PML: variants seen among roughly 807,000 people sequenced by gnomAD.
The protein encoded by PML is PML nuclear body scaffold.
PML carries 28 observed loss-of-function variants against 65.2 expected under a neutral mutation model. The observed-to-expected ratio is 0.43, with a 90% CI of 0.32 to 0.59. The LOEUF (loss-of-function observed/expected upper bound fraction) is 0.59. Ranked by LOEUF, PML falls within the 20% of genes least tolerant of loss-of-function variation. PML has a pLI of 0.08. For missense variants in PML, 1,021 were observed against 1,203.4 expected, an observed-to-expected ratio of 0.85 and a Z score of 2.24; for synonymous variants, 500 against 508.8, an observed-to-expected ratio of 0.98 and a Z score of 0.23.
At chr15:74,001,944 C>T (rs2069780915) in intron 2 of PML, among the ~76,000 whole-genome samples, 1 of 151,046 alleles carries the variant, frequency 6.6e-6, no homozygotes, top group Non-Finnish European at 1.5e-5. Flanking sequence ...TTTGAGCCTG[C>T]AGTGAGCTGT....
chr15:74,028,452 A>T (rs1487769826), intron 4 of PML: 1 of 152,218 alleles, frequency 6.6e-6, no homozygotes, highest in Non-Finnish European at 1.5e-5. Context: ...CAAAAAAAAA[A>T]AAAAAATGTT....
chr15:73,995,736 CTTTGT>C lies in PML; in HGVS notation c.129+799_129+803del, dbSNP rs895397882. ...TTTTTGTTGTTGTTTGTTTGTTTTG[CTTTGT>C]TTTTTGTTTGTTTGTTTATCTGTTT... On this transcript the variant is annotated intron_variant, in intron 1 of 8. Transcript: ENST00000268058. 1.6e-3 allele frequency among the ~76,000 whole-genome samples: 244 copies of C among 151,544 alleles called. 2 individuals are homozygous for C. Among genetic ancestry groups the C allele is most frequent in the Non-Finnish European group, 2.6e-4 (18 of 67,934 alleles).
Position 74,006,990 on chromosome 15 carries a change from C to T in PML, c.602+8514C>T, listed in dbSNP as rs879766190. On this transcript the variant is annotated intron_variant, in intron 2 of 8. Transcript: ENST00000268058. The stretch of plus-strand genomic sequence containing the variant: ...CCACCCTCATGACCCAAACACCTCC[C>T]ACTAGACCCCACCTTCAACATTGGA... Among the ~76,000 whole-genome samples, 10 of 152,310 alleles carry T rather than the reference C, an allele frequency of 6.6e-5. No individual in the cohort carries two copies. In the South Asian group the frequency reaches 1.2e-3, roughly 19 times the overall value.
At chr15:74,033,616 G>A (rs1167100741) in intron 6 of PML, 3 of 716,046 alleles carry the variant, frequency 4.2e-6, no homozygotes, top group Admixed American at 2.0e-5. Flanking sequence ...TGATTGAGGT[G>A]TGGGGAGCCT....
intron 2 of PML, among the ~76,000 whole-genome samples, chr15:74,018,916 T>C (rs1336348239): frequency 1.3e-5 from 2 of 152,222 alleles, no homozygotes; most frequent in African/African-American, 2.4e-5. Flanking sequence ...GTTTCCCACT[T>C]CACCTCTGCC....
chr15:74,042,377 C>G lies in PML; in HGVS notation c.1711-612C>G. The G allele has an allele frequency of 6.1e-6, 6 of 985,452 alleles. No individual in the cohort carries two copies. The highest frequency in any genetic ancestry group is 7.2e-6 in the Non-Finnish European group (6 of 829,918). The allele number at this position is 985,452 out of a possible 1,614,324, so 61.0% of individuals were successfully genotyped here. ...CTTCCCCTCGCCTTTGTGTAGGACA[C>G]TGGCACCTCGGCTGACTTCGGGGAC... On this transcript the variant is annotated intron_variant, in intron 7 of 8. Transcript: ENST00000268058. The surrounding 1 kb of genome is among the most constrained non-coding windows in gnomAD (Gnocchi z 5.3).
intron 2 of PML, among the ~76,000 whole-genome samples, chr15:74,003,581 C>T (rs1361425826): frequency 6.6e-6 from 1 of 152,170 alleles, no homozygotes; most frequent in African/African-American, 2.4e-5. Context: ...CTTCTTCCCT[C>T]TTCCTTCTCA....
Position 74,043,382 on chromosome 15 carries a change from G to C in PML, c.1861+243G>C. 1 of 1,435,182 alleles carries C rather than the reference G, an allele frequency of 7.0e-7. No homozygotes were observed. 88.9% of individuals were successfully genotyped at this position (1,435,182 alleles called of 1,614,324 possible). A position where few individuals can be genotyped will look rare whatever the true frequency, so the allele number is the denominator to read the frequency against. On this transcript the variant is annotated intron_variant, in intron 8 of 8. Transcript: ENST00000268058. This position sits in a 1 kb window ranked among gnomAD's most constrained non-coding sequence, Gnocchi z 4.3. ...GAGAGAGGCAGATGCCTCCACAAGT[G>C]CACCTCTGACCAGTTCTTCTCTCAG...
chr15:74,016,792 C>CTTTTTTTTTTTTTTTTTTTT lies in PML; in HGVS notation c.603-6033_603-6014dup, dbSNP rs535665071. 5.8e-4 allele frequency among the ~76,000 whole-genome samples: 45 copies of CTTTTTTTTTTTTTTTTTTTT among 77,646 alleles called. 9 individuals carry two copies. Among genetic ancestry groups the CTTTTTTTTTTTTTTTTTTTT allele is most frequent in the African/African-American group, 8.6e-4 (18 of 20,900 alleles). 50.9% of individuals were successfully genotyped at this position (77,646 alleles called of 152,430 possible). A position where few individuals can be genotyped will look rare whatever the true frequency, so the allele number is the denominator to read the frequency against. On this transcript the variant is annotated intron_variant, in intron 2 of 8. Coordinates refer to ENST00000268058, the MANE Select transcript of PML (RefSeq NM_033238.3). Reference sequence around the variant, plus strand: ...TTTTGAATTTTTTAGGCAGTGGCATCTTTTTTTTTTTTTTTTTTTTTTGAG... The same window carrying CTTTTTTTTTTTTTTTTTTTT: ...TTTTGAATTTTTTAGGCAGTGGCATCTTTTTTTTTTTTTTTTTTTTTTTTTTTTTTTTTTTTTTTTTTGAG...
rs1337848870 is a variant in PML at position 74,023,177 on chromosome 15, C to A, written c.952C>A (p.Arg318Ser). Residue 318 changes from arginine to serine, a missense_variant, in exon 3 of 9, where the codon CGC becomes AGC. Transcript: ENST00000268058. ...CGAGGAGATGGCCAGTCGGCTGGGC[C>A]GCCTGGATGCTGTGCTGCAGCGCAT... ...DYEEMASRLG[R>S]LDAVLQRIRT... 1.9e-6 allele frequency: 3 copies of A among 1,606,190 alleles called. No individual in the cohort carries two copies. The African/African-American group carries it at 4.0e-5, about 21-fold the overall frequency.
In PML at chr15:73,998,225, GGTGTAC is replaced by G. The variant is rs2069595885; in HGVS notation, c.352_357del (p.Val118_Tyr119del). On this transcript the variant is annotated inframe_deletion, in exon 2 of 9. Transcript: ENST00000268058. ...TCGAGAGTCTGCAGCGGCGCCTGTC[GGTGTAC>G]CGGCAGATTGTGGATGCGCAGGCTG... 6.2e-7 allele frequency: 1 copy of G among 1,614,076 alleles called. No individual in the cohort carries two copies. The highest frequency in any genetic ancestry group is 8.5e-7 in the Non-Finnish European group (1 of 1,180,032).
intron 2 of PML, among the ~76,000 whole-genome samples, chr15:74,005,245 G>A (rs1265511523): frequency 4.6e-5 from 7 of 150,752 alleles, no homozygotes; most frequent in Non-Finnish European, 8.9e-5. Context: ...TAGAGACGGC[G>A]TTTCACCATA....
At chr15:74,032,546 C>G (rs1365978041) in intron 4 of PML, 26 bp from the exon 5 acceptor site, 1 of 1,613,758 alleles carries the variant, frequency 6.2e-7, no homozygotes, top group Admixed American at 1.7e-5. Context: ...CTAGTCATTT[C>G]TGACTCAATT....
intron 7 of PML, chr15:74,041,714 TC>T (rs2071701492): frequency 6.6e-6 from 1 of 152,280 alleles, no homozygotes; most frequent in Admixed American, 6.5e-5. Context: ...GCTTTTTCTC[TC>T]AGTTGAAGCT....
chr15:74,013,792 G>GATTTAAATAAAAGCT (rs1420829658), intron 2 of PML, among the ~76,000 whole-genome samples: 3 of 152,098 alleles, frequency 2.0e-5, no homozygotes, highest in African/African-American at 7.2e-5. Context: ...AAATAGATCA[G>GATTTAAATAAAAGCT]ATTTAAATAA....
rs535665071 is a variant in PML, at chr15:74,016,792, C to CTTTTTTTTTTTTTTTTTTTTTTTTTT, written c.603-6014_603-6013insTTTTTTTTTTTTTTTTTTTTTTTTTT. Among the ~76,000 whole-genome samples the CTTTTTTTTTTTTTTTTTTTTTTTTTT allele has an allele frequency of 2.6e-5, 2 of 77,646 alleles. 1 individual carries two copies. Among genetic ancestry groups the CTTTTTTTTTTTTTTTTTTTTTTTTTT allele is most frequent in the African/African-American group, 9.6e-5 (2 of 20,882 alleles). 50.9% of individuals were successfully genotyped at this position (77,646 alleles called of 152,430 possible). ...TTTTGAATTTTTTAGGCAGTGGCAT[C>CTTTTTTTTTTTTTTTTTTTTTTTTTT]TTTTTTTTTTTTTTTTTTTTTTGAG... On this transcript the variant is annotated intron_variant, in intron 2 of 8. Coordinates refer to ENST00000268058, the MANE Select transcript of PML (RefSeq NM_033238.3).
In PML at chr15:74,046,303, G is replaced by A. The variant is rs2071770504; in HGVS notation, c.*1295G>A. ...GAACAGAGGCAGGTCAGGGTTGTCC[G>A]CTCTGATTAGCAGAACGACAGCCCC... On this transcript the variant is annotated 3_prime_UTR_variant, in exon 9 of 9. Transcript: ENST00000268058. The A allele has an allele frequency of 3.0e-5, 7 of 233,048 alleles. No individual in the cohort carries two copies. Among genetic ancestry groups the A allele is most frequent in the South Asian group, 1.8e-4 (1 of 5,528 alleles). 14.4% of individuals were successfully genotyped at this position (233,048 alleles called of 1,614,324 possible). A position where few individuals can be genotyped will look rare whatever the true frequency, so the allele number is the denominator to read the frequency against.
chr15:74,044,644 GC>G lies in PML; in HGVS notation c.2290del (p.Gln764SerfsTer40). On this transcript the variant is annotated frameshift_variant, in exon 9 of 9. Coordinates refer to ENST00000268058, the MANE Select transcript of PML (RefSeq NM_033238.3). LOFTEE classifies it low-confidence loss of function (END_TRUNC). ...TGCCGCCTCCTCGAGGTCTCCCCGGGCCCCCAGCTGGCCCAGCATGTCTACC... is the reference window on the plus strand; with the variant it reads ...TGCCGCCTCCTCGAGGTCTCCCCGGGCCCCAGCTGGCCCAGCATGTCTACC... ...DLCRLLEVSP[G>X]PQLAQHVYPF... is the part of the protein sequence containing the mutation. 6.2e-7 allele frequency: 1 copy of G among 1,605,492 alleles called. No individual in the cohort carries two copies.
chr15:74,013,658 T>C (rs1019542485), intron 2 of PML, among the ~76,000 whole-genome samples: 10 of 152,244 alleles, frequency 6.6e-5, no homozygotes, highest in African/African-American at 2.2e-4. Context: ...TCACCATATG[T>C]TACTCAACTC....
Sources: gnomAD v4.1 joint callset for allele counts (sites outside exome capture counted in the v4.1 genomes callset) on GRCh38, gnomAD v4.1.1 for gene constraint, Gnocchi (gnomAD v3.1) non-coding constraint, MANE v1.5 for transcripts, NCBI Gene and HGNC (gene_info 2026-07-23, HGNC 2026-07-21) for gene names.